Variants in TIAM2 observed in about 807,000 individuals in gnomAD.
TIAM2 encodes TIAM Rac1 associated GEF 2, also known as rho guanine nucleotide exchange factor TIAM2.
In TIAM2, 80 loss-of-function variants were observed where a neutral mutation model predicts 152.9. The ratio of observed to expected loss-of-function variants is 0.52; its 90% CI spans 0.44 to 0.63. The LOEUF is 0.63. Ranked by LOEUF, TIAM2 falls within the 30% of genes least tolerant of loss-of-function variation. The pLI, the probability that TIAM2 is intolerant of heterozygous loss-of-function variation, is 0.00. For synonymous variants in TIAM2, 804 were observed against 838.0 expected, an observed-to-expected ratio of 0.96 and a Z score of 0.70; for missense variants, 1,965 against 2,120.1, an observed-to-expected ratio of 0.93 and a Z score of 1.44.
At chr6:155,100,319 G>A (rs1778526329) in intron 2 of TIAM2, among the ~76,000 whole-genome samples, 1 of 152,230 alleles carries the variant, frequency 6.6e-6, no homozygotes, top group Non-Finnish European at 1.5e-5. Flanking sequence ...CGGCACTGCA[G>A]TGTTGCCTTG....
At chr6:155,150,938 C>T (rs1399893838) in intron 7 of TIAM2, among the ~76,000 whole-genome samples, 6 of 152,148 alleles carry the variant, frequency 3.9e-5, no homozygotes, top group Admixed American at 2.0e-4. Context: ...TTTGTTGGCA[C>T]GCAAACAGTT....
intron 7 of TIAM2, among the ~76,000 whole-genome samples, chr6:155,151,729 G>T (rs1182742587): frequency 6.6e-6 from 1 of 152,058 alleles, no homozygotes. Flanking sequence ...ACTGTGCTGG[G>T]TGTATAGATA....
In TIAM2 at chr6:155,037,896, T is replaced by C. The variant is rs112403921; in HGVS notation, c.-209+42404T>C. Among the ~76,000 whole-genome samples the C allele has an allele frequency of 8.4e-3, 1,282 of 152,286 alleles. 18 individuals are homozygous for C. The highest frequency in any genetic ancestry group is 0.029 in the African/African-American group (1,205 of 41,556). Reference sequence around the variant, plus strand: ...TGCTGTTCTGCATTTTTATCTGAAGTTGCTGTTGGCTGGGCCTTTGCTCTT... The same window carrying C: ...TGCTGTTCTGCATTTTTATCTGAAGCTGCTGTTGGCTGGGCCTTTGCTCTT... On this transcript the variant is annotated intron_variant, in intron 1 of 26. Coordinates refer to ENST00000682666, the MANE Select transcript of TIAM2 (RefSeq NM_012454.4).
chr6:155,106,118 T>A (rs972857355), intron 2 of TIAM2, among the ~76,000 whole-genome samples: 1 of 151,800 alleles, frequency 6.6e-6, no homozygotes, highest in Non-Finnish European at 1.5e-5. Flanking sequence ...AATTCTCCTG[T>A]CTCAGCCTCC....
intron 9 of TIAM2, chr6:155,168,819 A>C (rs1032728034): frequency 6.6e-7 from 1 of 1,525,052 alleles, no homozygotes; most frequent in South Asian, 1.2e-5. Context: ...CCATTTCATT[A>C]GTCTTTTTCC....
chr6:155,107,781 G>C (rs1178199512), intron 2 of TIAM2, among the ~76,000 whole-genome samples: 1 of 152,150 alleles, frequency 6.6e-6, no homozygotes, highest in Admixed American at 6.5e-5. Flanking sequence ...AGGAGTGATT[G>C]ATTCATATTC....
chr6:155,105,683 T>C (rs1397161507), intron 2 of TIAM2, among the ~76,000 whole-genome samples: 3 of 151,844 alleles, frequency 2.0e-5, no homozygotes, highest in Non-Finnish European at 4.4e-5. Flanking sequence ...TCTCCTAGGC[T>C]CAAGTGATCC....
chr6:155,173,599 G>A (rs1780688627), intron 9 of TIAM2, among the ~76,000 whole-genome samples: 1 of 152,216 alleles, frequency 6.6e-6, no homozygotes. Flanking sequence ...CCTTCTGCCT[G>A]TAATATGACT....
At chr6:155,127,266 A>G (rs1779316639) in intron 2 of TIAM2, among the ~76,000 whole-genome samples, 1 of 152,200 alleles carries the variant, frequency 6.6e-6, no homozygotes, top group Non-Finnish European at 1.5e-5. Flanking sequence ...ATTTGACTGC[A>G]GACTGGGTGT....
intron 4 of TIAM2, 47 bp downstream of exon 4, chr6:155,130,464 C>T: frequency 6.5e-7 from 1 of 1,537,798 alleles, no homozygotes; most frequent in Non-Finnish European, 8.8e-7. Flanking sequence ...AGTTTCCCCA[C>T]CTGGAGAAGG....
intron 1 of TIAM2, among the ~76,000 whole-genome samples, chr6:155,028,271 A>AATATATGTACTGTGTTACATATATACTAC (rs1554225264): frequency 1.4e-4 from 16 of 113,376 alleles, no homozygotes; most frequent in Non-Finnish European, 2.3e-4. Flanking sequence ...TACTACATAT[A>AATATATGTACTGTGTTACATATATACTAC]ATATATGTAC....
chr6:154,996,026 G>C (rs1177988287), intron 1 of TIAM2, among the ~76,000 whole-genome samples: 1 of 152,104 alleles, frequency 6.6e-6, no homozygotes, highest in African/African-American at 2.4e-5. Context: ...CAGCCCCTCC[G>C]GCCTTTCCGA....
intron 20 of TIAM2, among the ~76,000 whole-genome samples, chr6:155,248,642 A>C (rs1783472703): frequency 6.6e-6 from 1 of 152,216 alleles, no homozygotes; most frequent in Non-Finnish European, 1.5e-5. Flanking sequence ...TTCAAAACCA[A>C]ACTCCCAATG....
At chr6:155,112,965 C>T (rs1294447013) in intron 2 of TIAM2, among the ~76,000 whole-genome samples, 1 of 152,038 alleles carries the variant, frequency 6.6e-6, no homozygotes, top group Non-Finnish European at 1.5e-5. Flanking sequence ...TAGCAGGTCC[C>T]CCTGCTGCTT....
intron 7 of TIAM2, among the ~76,000 whole-genome samples, chr6:155,150,930 T>C (rs1779942440): frequency 6.6e-6 from 1 of 152,228 alleles, no homozygotes; most frequent in African/African-American, 2.4e-5. Context: ...TCACACAGTT[T>C]GTTGGCACGC....
intron 14 of TIAM2, among the ~76,000 whole-genome samples, chr6:155,188,984 C>T (rs1452608791): frequency 2.6e-5 from 4 of 152,200 alleles, no homozygotes; most frequent in East Asian, 3.8e-4. Flanking sequence ...TTAGCCTCCA[C>T]GCCCCCTTTG....
intron 21 of TIAM2, chr6:155,250,663 C>A: frequency 1.3e-6 from 2 of 1,511,810 alleles, no homozygotes; most frequent in East Asian, 4.9e-5. Context: ...GGTCACAAGG[C>A]ATGTCTCACC....
At chr6:155,172,655 T>TATATATATATATATATAGATATATAG (rs1780618831) in intron 9 of TIAM2, among the ~76,000 whole-genome samples, 3 of 12,388 alleles carry the variant, frequency 2.4e-4, no homozygotes, top group African/African-American at 7.5e-4. Context: ...TATATATATA[T>TATATATATATATATATAGATATATAG]ATATATATAT....
At chr6:155,030,769 A>AT (rs1418969986) in intron 1 of TIAM2, among the ~76,000 whole-genome samples, 1 of 152,158 alleles carries the variant, frequency 6.6e-6, no homozygotes, top group Admixed American at 6.5e-5. Flanking sequence ...CACTATAGAA[A>AT]TTTTTTGGTA....
Sources: allele counts gnomAD v4.1 joint callset (sites outside exome capture counted in the v4.1 genomes callset), GRCh38; gene constraint gnomAD v4.1.1; transcripts MANE v1.5; gene names NCBI Gene and HGNC (gene_info 2026-07-23, HGNC 2026-07-21).